Variants in RBFOX1 observed in about 807,000 individuals in gnomAD.
RBFOX1 encodes the protein RNA binding protein fox-1 homolog 1.
In RBFOX1, 8 loss-of-function variants were observed where a neutral mutation model predicts 57.7. That is an observed-to-expected ratio of 0.14 (90% CI 0.08 to 0.25). The LOEUF (loss-of-function observed/expected upper bound fraction) is 0.25. Among genes scored for constraint, RBFOX1 ranks in the 10% least tolerant of loss-of-function variants. RBFOX1 has a pLI of 1.00. For synonymous variants in RBFOX1, 326 were observed against 222.4 expected (o/e 1.47, Z -4.15); for missense variants, 611 against 548.5 (o/e 1.11, Z -1.14).
rs992778615 is a variant in RBFOX1, at chr16:5,853,325, T to G, written c.319-13978T>G. 1.3e-5 allele frequency among the ~76,000 whole-genome samples: 2 copies of G among 152,138 alleles called. 1 individual carries two copies. The highest frequency in any genetic ancestry group is 2.9e-5 in the Non-Finnish European group (2 of 68,030). On this transcript the variant is annotated intron_variant, in intron 3 of 19. Transcript: ENST00000641259. Reference sequence around the variant, plus strand: ...GAAATTATGGAAAGTCAGAAGAGATTGCACAGTTAAATCTCCCCAAAGAGA... The same window carrying G: ...GAAATTATGGAAAGTCAGAAGAGATGGCACAGTTAAATCTCCCCAAAGAGA...
chr16:7,309,121 T>C (rs2096255934), intron 4 of RBFOX1, among the ~76,000 whole-genome samples: 4 of 152,222 alleles, frequency 2.6e-5, no homozygotes, highest in Admixed American at 2.6e-4. Context: ...GGTGGCTGCC[T>C]GATAGAAGAA....
chr16:6,681,798 A>T (rs1194284442), intron 3 of RBFOX1, among the ~76,000 whole-genome samples: 1 of 152,182 alleles, frequency 6.6e-6, no homozygotes, highest in Non-Finnish European at 1.5e-5. Flanking sequence ...TAATGTGGAG[A>T]TAATAGCTAC....
chr16:7,238,874 T>C (rs575796145), intron 4 of RBFOX1, among the ~76,000 whole-genome samples: 7 of 152,320 alleles, frequency 4.6e-5, no homozygotes, highest in East Asian at 1.9e-4. Flanking sequence ...CTCCCACTTA[T>C]ACGTGAGAAC....
At chr16:6,303,633 T>C (rs1280652153) in intron 1 of RBFOX1, among the ~76,000 whole-genome samples, 1 of 151,990 alleles carries the variant, frequency 6.6e-6, no homozygotes, top group Non-Finnish European at 1.5e-5. Flanking sequence ...TTAATCTTGG[T>C]AATAGAAATG....
At chr16:6,613,553 A>C (rs77469752) in intron 2 of RBFOX1, among the ~76,000 whole-genome samples, 205 of 152,336 alleles carry the variant, frequency 1.3e-3, no homozygotes, top group African/African-American at 4.7e-3. Flanking sequence ...ACAAAATGCT[A>C]TGGAACGCTA....
intron 4 of RBFOX1, among the ~76,000 whole-genome samples, chr16:7,133,402 T>A (rs942915866): frequency 6.6e-6 from 1 of 152,168 alleles, no homozygotes; most frequent in Non-Finnish European, 1.5e-5. Flanking sequence ...ATCATTGCAA[T>A]GGTCATGTTT....
At chr16:6,440,761 A>G (rs1039485458) in intron 2 of RBFOX1, among the ~76,000 whole-genome samples, 3 of 149,638 alleles carry the variant, frequency 2.0e-5, no homozygotes, top group African/African-American at 5.0e-5. Flanking sequence ...AGATCGTGCC[A>G]GTGTGCCTCA....
At chr16:6,768,701 ATATATATG>A (rs1231668552) in intron 3 of RBFOX1, among the ~76,000 whole-genome samples, 3 of 149,776 alleles carry the variant, frequency 2.0e-5, no homozygotes, top group Admixed American at 1.3e-4. Context: ...GTACCTATAT[ATATATATG>A]TATATATGAT....
chr16:7,544,579 A>T (rs1453822088), intron 5 of RBFOX1, among the ~76,000 whole-genome samples: 1 of 152,190 alleles, frequency 6.6e-6, no homozygotes. Context: ...AAGGATTGCC[A>T]GGAGCTACCA....
intron 2 of RBFOX1, among the ~76,000 whole-genome samples, chr16:5,500,850 T>C (rs920586856): frequency 6.6e-6 from 1 of 152,204 alleles, no homozygotes; most frequent in Non-Finnish European, 1.5e-5. Context: ...GCCTTTCAGA[T>C]TATAGCTTTT....
At chr16:5,360,886 C>A (rs2065529465) in intron 1 of RBFOX1, among the ~76,000 whole-genome samples, 1 of 152,054 alleles carries the variant, frequency 6.6e-6, no homozygotes, top group African/African-American at 2.4e-5. Flanking sequence ...ACCTGCTTTC[C>A]CAGCAGCACA....
chr16:6,391,092 T>C lies in RBFOX1; in HGVS notation c.-64+74035T>C, dbSNP rs1436466309. On this transcript the variant is annotated intron_variant, in intron 2 of 15. Transcript: ENST00000550418. ...AAAATGTCTCCAGACATTTGCCAAA[T>C]GTCCCCTCCAAATGTGACAAAATCT... Among the ~76,000 whole-genome samples, 5 of 152,168 alleles carry C rather than the reference T, an allele frequency of 3.3e-5. No individual in the cohort carries two copies. In the East Asian group the frequency reaches 9.6e-4, roughly 29 times the overall value.
intron 1 of RBFOX1, among the ~76,000 whole-genome samples, chr16:6,170,414 A>C (rs1409483837): frequency 6.6e-6 from 1 of 152,168 alleles, no homozygotes; most frequent in African/African-American, 2.4e-5. Context: ...TGAGGGAATT[A>C]ATAAAGTCAC....
At chr16:7,385,919 C>CTTACTTAT (rs1555814814) in intron 4 of RBFOX1, among the ~76,000 whole-genome samples, 14 of 135,144 alleles carry the variant, frequency 1.0e-4, no homozygotes, top group Non-Finnish European at 1.8e-4. Flanking sequence ...TGCCCAGTTA[C>CTTACTTAT]TTATTTATTT....
chr16:5,527,317 G>A lies in RBFOX1; in HGVS notation c.258+60063G>A, dbSNP rs113882848. On this transcript the variant is annotated intron_variant, in intron 2 of 2. Transcript: ENST00000585867. ...TGCTTGTACACAAGGACACCTACCTGCAAGGAACACTGGGAAATGGAGTTC... is the reference window on the plus strand; with the variant it reads ...TGCTTGTACACAAGGACACCTACCTACAAGGAACACTGGGAAATGGAGTTC... 5.9e-3 allele frequency among the ~76,000 whole-genome samples: 899 copies of A among 152,266 alleles called. 8 individuals carry two copies. Among genetic ancestry groups the A allele is most frequent in the South Asian group, 0.028 (133 of 4,822 alleles).
At chr16:7,541,379 G>T (rs2082885476) in intron 5 of RBFOX1, among the ~76,000 whole-genome samples, 1 of 152,158 alleles carries the variant, frequency 6.6e-6, no homozygotes, top group Non-Finnish European at 1.5e-5. Context: ...ACCTCCAGAA[G>T]GAGCTCCACT....
intron 1 of RBFOX1, among the ~76,000 whole-genome samples, chr16:6,232,646 G>C (rs980240498): frequency 6.6e-6 from 1 of 152,216 alleles, no homozygotes; most frequent in Non-Finnish European, 1.5e-5. Context: ...ACTAGGAACA[G>C]AGGAGGAAGA....
intron 3 of RBFOX1, among the ~76,000 whole-genome samples, chr16:5,639,887 G>A (rs1567332998): frequency 1.3e-5 from 2 of 152,182 alleles, no homozygotes; most frequent in African/African-American, 4.8e-5. Flanking sequence ...TTAGTTATGA[G>A]CTATTTTCTG....
In RBFOX1 at chr16:7,304,444, C is replaced by G. The variant is rs534989951; in HGVS notation, c.28-213703C>G. 3.0e-6 allele frequency: 3 copies of G among 985,332 alleles called. No individual in the cohort carries two copies. The Admixed American group carries it at 1.8e-4, about 61-fold the overall frequency. The allele number at this position is 985,332 out of a possible 1,614,324, so 61.0% of individuals were successfully genotyped here. A position where few individuals can be genotyped will look rare whatever the true frequency, so the allele number is the denominator to read the frequency against. On this transcript the variant is annotated intron_variant, in intron 4 of 15. Transcript: ENST00000550418. ...GGCGCTCCCCAACGTGGGCATGTGT[C>G]CCCAGCTTTCGTGTGCCTTGACTTT...
Sources: gnomAD v4.1 joint callset for allele counts (sites outside exome capture counted in the v4.1 genomes callset) on GRCh38, gnomAD v4.1.1 for gene constraint, MANE v1.5 for transcripts, NCBI Gene and HGNC (gene_info 2026-07-23, HGNC 2026-07-21) for gene names.